The following ASB7 variants were observed in gnomAD, a reference collection of about 807,000 sequenced individuals.
The protein encoded by ASB7 is ankyrin repeat and SOCS box containing 7.
ASB7 carries 4 observed loss-of-function variants against 32.5 expected under a neutral mutation model. The observed-to-expected ratio is 0.12, with a 90% confidence interval of 0.06 to 0.28. ASB7 has a LOEUF of 0.28. Ranked by LOEUF, ASB7 falls within the 10% of genes least tolerant of loss-of-function variation. The probability of loss-of-function intolerance (pLI) is 1.00; values close to 1 mark genes in which losing one functional copy is unlikely to be tolerated. For synonymous variants in ASB7, 172 were observed against 155.6 expected (o/e 1.11, Z -0.78); for missense variants, 181 against 407.1 (o/e 0.44, Z 4.78).
At chr15:100,648,074 T>C (rs1362266613) in intron 5 of ASB7, among the ~76,000 whole-genome samples, 2 of 152,208 alleles carry the variant, frequency 1.3e-5, no homozygotes, top group African/African-American at 4.8e-5. Context: ...AAGCAACTTG[T>C]TTACATCTGA....
At chr15:100,639,419 T>A (rs568812027) in intron 5 of ASB7, among the ~76,000 whole-genome samples, 1 of 152,052 alleles carries the variant, frequency 6.6e-6, no homozygotes, top group Non-Finnish European at 1.5e-5. Context: ...AAATAAGGAG[T>A]AAGAAAGATC....
In ASB7 at chr15:100,649,106, G is replaced by A. The variant is rs753521894; in HGVS notation, c.*644G>A. 3.3e-5 allele frequency: 5 copies of A among 151,868 alleles called. No homozygotes were observed. Among genetic ancestry groups the A allele is most frequent in the Non-Finnish European group, 5.9e-5 (4 of 67,932 alleles). The allele number at this position is 151,868 out of a possible 1,614,324, so 9.4% of individuals were successfully genotyped here. ...TTAACTTATTTTTTTTTTAACAACT[G>A]TAGTACACTACCCTGAGACACTGCA... On this transcript the variant is annotated 3_prime_UTR_variant, in exon 6 of 6. Coordinates refer to ENST00000332783, the MANE Select transcript of ASB7 (RefSeq NM_198243.3).
At chr15:100,643,645 A>C (rs796241059) in intron 5 of ASB7, among the ~76,000 whole-genome samples, 12 of 151,220 alleles carry the variant, frequency 7.9e-5, no homozygotes, top group African/African-American at 2.9e-4. Flanking sequence ...GCCCGCCACC[A>C]CGCCTGGCTA....
chr15:100,629,787 G>A lies in ASB7; in HGVS notation c.562G>A (p.Val188Met). ...GAATGGTTTCCTGTTGCGATACGCC[G>A]TGATCAAAAGCAATCACTCTTATTG... ...IQNGFLLRYAVIKSNHSYCRM... is the reference protein window; with the variant it reads ...IQNGFLLRYAMIKSNHSYCRM... Residue 188 changes from valine (V) to methionine (M), a missense_variant, in exon 5 of 6, where the codon GTG (valine) becomes ATG (methionine). Coordinates refer to ENST00000332783, the MANE Select transcript of ASB7 (RefSeq NM_198243.3). The surrounding 1 kb of genome is among the most constrained non-coding windows in gnomAD (Gnocchi z 6.8). 6.2e-7 allele frequency: 1 copy of A among 1,614,196 alleles called. No individual in the cohort carries two copies. The highest frequency in any genetic ancestry group is 8.5e-7 in the Non-Finnish European group (1 of 1,180,036).
intron 2 of ASB7, among the ~76,000 whole-genome samples, chr15:100,606,191 T>G (rs377456202): frequency 7.6e-6 from 1 of 131,576 alleles, no homozygotes; most frequent in African/African-American, 2.7e-5. Context: ...ATTGAAGGAT[T>G]GTTTTTTTTT....
At chr15:100,635,504 A>G (rs1308228496) in intron 5 of ASB7, among the ~76,000 whole-genome samples, 1 of 152,124 alleles carries the variant, frequency 6.6e-6, no homozygotes, top group Admixed American at 6.5e-5. Flanking sequence ...GCTGTGAGTC[A>G]TGTTTATTGC....
chr15:100,619,428 G>T (rs1190154651), intron 4 of ASB7, among the ~76,000 whole-genome samples: 1 of 152,218 alleles, frequency 6.6e-6, no homozygotes, highest in African/African-American at 2.4e-5. Context: ...TATCAGAAGG[G>T]CGTAAGCCCT....
In ASB7 at chr15:100,646,435, T is replaced by G. The variant is rs149526895; in HGVS notation, c.818-1888T>G. On this transcript the variant is annotated intron_variant, in intron 5 of 5. Transcript: ENST00000332783. ...TTCCACAACTTCTTTTAAGGAGGTGTTCTCCCGTTCCATGTGTTTGACCAA... is the reference window on the plus strand; with the variant it reads ...TTCCACAACTTCTTTTAAGGAGGTGGTCTCCCGTTCCATGTGTTTGACCAA... 1,034 of 448,434 alleles carry G rather than the reference T, an allele frequency of 2.3e-3. 9 individuals carry two copies. Among genetic ancestry groups the G allele is most frequent in the African/African-American group, 0.018 (882 of 50,116 alleles). 27.8% of individuals were successfully genotyped at this position (448,434 alleles called of 1,614,324 possible).
rs1596991813 is a variant in ASB7 at position 100,603,261 on chromosome 15, A to C, written c.-226A>C. On this transcript the variant is annotated 5_prime_UTR_variant, in exon 2 of 6. Coordinates refer to ENST00000332783, the MANE Select transcript of ASB7 (RefSeq NM_198243.3). ...CGCGAAAGCAGGAAGAGGTCTGCCCACCTATCAGAGAAGCAGAAGGCACAG... is the reference window on the plus strand; with the variant it reads ...CGCGAAAGCAGGAAGAGGTCTGCCCCCCTATCAGAGAAGCAGAAGGCACAG... The C allele has an allele frequency of 3.1e-5, 11 of 352,276 alleles. No homozygotes were observed. The East Asian group carries it at 4.7e-4, about 15-fold the overall frequency. The allele number at this position is 352,276 out of a possible 1,614,324, so 21.8% of individuals were successfully genotyped here.
At chr15:100,612,520 C>G in intron 4 of ASB7, 93 bp downstream of exon 4, 1 of 1,187,938 alleles carries the variant, frequency 8.4e-7, no homozygotes, top group South Asian at 1.3e-5. Context: ...TAATGCTTCT[C>G]TTCTGTTAAT....
chr15:100,604,158 A>G (rs1317993964), intron 2 of ASB7, among the ~76,000 whole-genome samples: 1 of 152,258 alleles, frequency 6.6e-6, no homozygotes, highest in East Asian at 1.9e-4. Context: ...TCTATAAAAA[A>G]GATTTCTCAT....
intron 2 of ASB7, among the ~76,000 whole-genome samples, chr15:100,608,010 A>G (rs1319950823): frequency 6.6e-6 from 1 of 152,222 alleles, no homozygotes; most frequent in Non-Finnish European, 1.5e-5. Context: ...AGCAACAACC[A>G]CAAGGATTCT....
At chr15:100,605,333 A>G (rs1016515368) in intron 2 of ASB7, among the ~76,000 whole-genome samples, 4 of 152,322 alleles carry the variant, frequency 2.6e-5, no homozygotes, top group Admixed American at 6.5e-5. Context: ...TATTAATTCT[A>G]TTGCCAATCA....
intron 4 of ASB7, among the ~76,000 whole-genome samples, chr15:100,624,137 A>T (rs34282358): frequency 0.28 from 43,150 of 152,160 alleles, 7,301 homozygotes; most frequent in South Asian, 0.42. Flanking sequence ...AGAAGATAGA[A>T]AACAGAGGCT....
intron 5 of ASB7, among the ~76,000 whole-genome samples, chr15:100,633,830 G>A (rs1163566826): frequency 3.3e-5 from 5 of 152,118 alleles, no homozygotes; most frequent in African/African-American, 1.2e-4. Flanking sequence ...AAACTTAGGA[G>A]GCCCTCATTC....
In ASB7 at chr15:100,650,447, G is replaced by A. The variant is rs2141411221; in HGVS notation, c.*1985G>A. 6.6e-6 allele frequency: 1 copy of A among 152,392 alleles called. No individual in the cohort carries two copies. Among genetic ancestry groups the A allele is most frequent in the South Asian group, 2.1e-4 (1 of 4,826 alleles). The allele number at this position is 152,392 out of a possible 1,614,324, so 9.4% of individuals were successfully genotyped here. ...CCCTACAACCCCAGGCCCAGGGATA[G>A]GAGGAGGCAGAGGGGTGCCTGGAGT... On this transcript the variant is annotated 3_prime_UTR_variant, in exon 6 of 6. Transcript: ENST00000332783.
rs143475807 is a variant in ASB7, at chr15:100,638,889, T to G, written c.817+8847T>G. Among the ~76,000 whole-genome samples, 93 of 152,314 alleles carry G rather than the reference T, an allele frequency of 6.1e-4. No individual in the cohort carries two copies. In the East Asian group the frequency reaches 0.015, roughly 25 times the overall value. ...CTGGTGTATGATGTTGCCCTCTCTG[T>G]GTCCATGTGGTCTCATTGTTAAACT... On this transcript the variant is annotated intron_variant, in intron 5 of 5. Coordinates refer to ENST00000332783, the MANE Select transcript of ASB7 (RefSeq NM_198243.3).
At chr15:100,626,077 C>G (rs929860766) in intron 4 of ASB7, among the ~76,000 whole-genome samples, 86 of 152,222 alleles carry the variant, frequency 5.6e-4, no homozygotes, top group African/African-American at 1.9e-3. Flanking sequence ...ATCTTTGTGA[C>G]AATGCATTGA....
At chr15:100,638,015 G>A (rs942651763) in intron 5 of ASB7, among the ~76,000 whole-genome samples, 4 of 150,462 alleles carry the variant, frequency 2.7e-5, no homozygotes, top group African/African-American at 9.8e-5. Flanking sequence ...CTTATTTTAA[G>A]TGAATTGGAT....
Sources: gnomAD v4.1 joint callset for allele counts (sites outside exome capture counted in the v4.1 genomes callset) on GRCh38, gnomAD v4.1.1 for gene constraint, Gnocchi (gnomAD v3.1) non-coding constraint, MANE v1.5 for transcripts, NCBI Gene and HGNC (gene_info 2026-07-23, HGNC 2026-07-21) for gene names.